Variants in DNAH8 observed in about 807,000 individuals in gnomAD.
DNAH8 encodes the protein dynein axonemal heavy chain 8.
DNAH8 carries 382 observed loss-of-function variants against 562.1 expected under a neutral mutation model. The ratio of observed to expected loss-of-function variants is 0.68; its 90% CI spans 0.63 to 0.74. The LOEUF is 0.74. DNAH8 is among the 30% of genes least tolerant of loss of function. The pLI is 0.00. For missense variants in DNAH8, 5,203 were observed against 5,620.4 expected, an observed-to-expected ratio of 0.93 and a Z score of 2.37; for synonymous variants, 1,881 against 1,919.4, an observed-to-expected ratio of 0.98 and a Z score of 0.52.
chr6:38,884,078 A>G (rs1778725237), intron 56 of DNAH8, 80 bp downstream of exon 56: 1 of 974,522 alleles, frequency 1.0e-6, no homozygotes, highest in African/African-American at 1.7e-5. Context: ...AAATGTTAAT[A>G]ACTTTGTTAA....
At chr6:38,887,035 C>A in intron 57 of DNAH8, 31 bp downstream of exon 57, 3 of 1,452,990 alleles carry the variant, frequency 2.1e-6, no homozygotes, top group Non-Finnish European at 2.9e-6. Flanking sequence ...TATTTTATTG[C>A]ATTACATAAT....
Position 38,907,937 on chromosome 6 carries a change from C to T in DNAH8, c.9349-19C>T. ...AGAACTCTTAAAACACAGAACACTTCCTTGTCCATTCCTTAAAGATCTCCA... is the reference window on the plus strand; with the variant it reads ...AGAACTCTTAAAACACAGAACACTTTCTTGTCCATTCCTTAAAGATCTCCA... On this transcript the variant is annotated intron_variant, in intron 63 of 92. Coordinates refer to ENST00000327475, the MANE Select transcript of DNAH8 (RefSeq NM_001206927.2). 2 of 1,566,518 alleles carry T rather than the reference C, an allele frequency of 1.3e-6. No individual in the cohort carries two copies. Among genetic ancestry groups the T allele is most frequent in the Non-Finnish European group, 1.7e-6 (2 of 1,157,906 alleles).
chr6:38,806,635 G>A (rs1771299634), intron 23 of DNAH8, among the ~76,000 whole-genome samples: 1 of 152,000 alleles, frequency 6.6e-6, no homozygotes, highest in Non-Finnish European at 1.5e-5. Context: ...CTCTCACATT[G>A]CTGCCAGAAC....
At chr6:38,954,980 T>A (rs1182035129) in intron 82 of DNAH8, among the ~76,000 whole-genome samples, 1 of 152,182 alleles carries the variant, frequency 6.6e-6, no homozygotes, top group Non-Finnish European at 1.5e-5. Flanking sequence ...TTTTCCTTTT[T>A]CTTTTGAGAC....
chr6:38,932,880 G>A (rs1782664138), intron 76 of DNAH8: 1 of 152,276 alleles, frequency 6.6e-6, no homozygotes, highest in African/African-American at 2.4e-5. Context: ...ATCCTACCTG[G>A]CTCATAGACA....
In DNAH8 at chr6:38,863,972, C is replaced by T; in HGVS notation, c.6410C>T (p.Thr2137Ile). The change falls in exon 45 of 93, where the codon ACA becomes ATA. Residue 2137 changes from threonine (T) to isoleucine (I), a missense_variant. Thr to Ile is a moderately conservative substitution (Grantham distance 89). Transcript: ENST00000327475. The part of the protein sequence containing the change: ...VAAQQIYIVL[T>I]ARKERKKQFI... ...GCACAACAAATTTATATTGTTTTGACAGCAAGAAAAGAAAGAAAGAAACAG... is the reference window on the plus strand; with the variant it reads ...GCACAACAAATTTATATTGTTTTGATAGCAAGAAAAGAAAGAAAGAAACAG... 6.2e-7 allele frequency: 1 copy of T among 1,612,548 alleles called. No individual in the cohort carries two copies. Among genetic ancestry groups the T allele is most frequent in the Non-Finnish European group, 8.5e-7 (1 of 1,179,668 alleles).
intron 82 of DNAH8, among the ~76,000 whole-genome samples, chr6:38,967,642 G>T (rs1763062235): frequency 6.6e-6 from 1 of 151,976 alleles, no homozygotes; most frequent in Admixed American, 6.6e-5. Context: ...CTAAATAAAT[G>T]GAAAGACATC....
chr6:38,979,035 C>G (rs1763865148), intron 85 of DNAH8, among the ~76,000 whole-genome samples: 1 of 152,212 alleles, frequency 6.6e-6, no homozygotes, highest in Non-Finnish European at 1.5e-5. Context: ...TGCTACTCAC[C>G]AGAACTAGCC....
chr6:38,753,002 C>A (rs1270105964), intron 9 of DNAH8, among the ~76,000 whole-genome samples: 1 of 151,806 alleles, frequency 6.6e-6, no homozygotes, highest in Non-Finnish European at 1.5e-5. Flanking sequence ...TGACATGATG[C>A]TGAGGTTTGG....
chr6:38,843,176 TA>T (rs1001093665), intron 35 of DNAH8, among the ~76,000 whole-genome samples: 1 of 150,660 alleles, frequency 6.6e-6, no homozygotes, highest in Non-Finnish European at 1.5e-5. Flanking sequence ...CACTTCCACT[TA>T]AAAAAAATTT....
rs1204712952 is a variant in DNAH8 at position 38,891,995 on chromosome 6, T to G, written c.8583+1234T>G. 2.6e-5 allele frequency among the ~76,000 whole-genome samples: 4 copies of G among 152,172 alleles called. 1 individual carries two copies. Among genetic ancestry groups the G allele is most frequent in the Non-Finnish European group, 5.9e-5 (4 of 68,010 alleles). ...CCTCTTACTTGACTTTTTAGCAGCA[T>G]TTGACCTAAATGATCCTTTAGCAGC... On this transcript the variant is annotated intron_variant, in intron 58 of 92. Coordinates refer to ENST00000327475, the MANE Select transcript of DNAH8 (RefSeq NM_001206927.2).
rs148330574 is a variant in DNAH8, at chr6:38,881,758, T to C, written c.7859-1152T>C. ...TAGAGACAGGGTTTCTCCACGTTGG[T>C]CAGGCTGGTCGCGAACTTCCAACCT... is the stretch of plus-strand genomic sequence containing the variant. On this transcript the variant is annotated intron_variant, in intron 53 of 92. Transcript: ENST00000327475. Among the ~76,000 whole-genome samples the C allele has an allele frequency of 6.3e-4, 96 of 152,078 alleles. 1 individual carries two copies. The highest frequency in any genetic ancestry group is 2.1e-3 in the African/African-American group (88 of 41,498).
At chr6:38,977,174 C>T (rs760378035) in intron 85 of DNAH8, among the ~76,000 whole-genome samples, 6 of 152,144 alleles carry the variant, frequency 3.9e-5, no homozygotes, top group Admixed American at 1.3e-4. Context: ...TGGTGGAGGG[C>T]GTGGTTTGCT....
chr6:38,851,045 C>G (rs1270409954), intron 38 of DNAH8, among the ~76,000 whole-genome samples: 1 of 152,202 alleles, frequency 6.6e-6, no homozygotes, highest in East Asian at 1.9e-4. Context: ...AAGAGAACAA[C>G]TCACCAAACT....
At chr6:38,802,583 G>A (rs34150915) in intron 21 of DNAH8, among the ~76,000 whole-genome samples, 52,170 of 152,082 alleles carry the variant, frequency 0.34, 9,522 homozygotes, top group Admixed American at 0.42. Context: ...GACAAAACTG[G>A]TTTCAAATAG....
chr6:38,836,929 T>C (rs1220024917), intron 32 of DNAH8, among the ~76,000 whole-genome samples: 1 of 152,200 alleles, frequency 6.6e-6, no homozygotes, highest in African/African-American at 2.4e-5. Flanking sequence ...ATCAATAGTC[T>C]TTACACATTG....
intron 53 of DNAH8, among the ~76,000 whole-genome samples, chr6:38,876,189 C>T (rs1022867030): frequency 1.3e-5 from 2 of 152,162 alleles, no homozygotes; most frequent in Non-Finnish European, 2.9e-5. Flanking sequence ...CGGATCAGCC[C>T]CACAATTCCC....
chr6:39,013,459 C>T (rs1045104118), intron 91 of DNAH8, among the ~76,000 whole-genome samples: 8 of 152,072 alleles, frequency 5.3e-5, no homozygotes, highest in African/African-American at 1.2e-4. Context: ...ACATTACATG[C>T]GGTATGGTTC....
Position 38,827,723 on chromosome 6 carries a change from C to T in DNAH8, c.4084-461C>T, listed in dbSNP as rs1270884286. On this transcript the variant is annotated intron_variant, in intron 29 of 92. Coordinates refer to ENST00000327475, the MANE Select transcript of DNAH8 (RefSeq NM_001206927.2). The stretch of plus-strand genomic sequence containing the variant: ...TTTCCCTGACTGCAAAAGCTTAATT[C>T]TTTACCAAACTTTTTTTTTTTTTTT... Among the ~76,000 whole-genome samples the T allele has an allele frequency of 1.9e-3, 68 of 35,690 alleles. 25 individuals carry two copies. Among genetic ancestry groups the T allele is most frequent in the Admixed American group, 4.7e-3 (15 of 3,212 alleles). 23.4% of individuals were successfully genotyped at this position (35,690 alleles called of 152,430 possible).
Sources: gnomAD v4.1 joint callset for allele counts (sites outside exome capture counted in the v4.1 genomes callset) on GRCh38, gnomAD v4.1.1 for gene constraint, MANE v1.5 for transcripts, NCBI Gene and HGNC (gene_info 2026-07-23, HGNC 2026-07-21) for gene names.